Variants in PRKCB observed in about 807,000 individuals in gnomAD.
PRKCB encodes the protein protein kinase C beta.
A neutral mutation model predicts 81.5 loss-of-function variants in PRKCB; 13 were observed. That is an observed-to-expected ratio of 0.16 (90% CI 0.10 to 0.25). PRKCB has a LOEUF of 0.25. Among genes scored for constraint, PRKCB ranks in the 10% least tolerant of loss-of-function variants. The pLI is 1.00. For synonymous variants in PRKCB, 335 were observed against 321.4 expected (o/e 1.04, Z -0.45); for missense variants, 509 against 875.7 (o/e 0.58, Z 5.29).
At chr16:24,041,103 G>A (rs910420397) in intron 5 of PRKCB, among the ~76,000 whole-genome samples, 11 of 150,998 alleles carry the variant, frequency 7.3e-5, no homozygotes, top group Non-Finnish European at 1.5e-4. Flanking sequence ...AGGCTGGAGT[G>A]CAGTGGTGCA....
chr16:24,167,528 C>A (rs145045590), intron 10 of PRKCB, among the ~76,000 whole-genome samples: 4 of 151,966 alleles, frequency 2.6e-5, no homozygotes, highest in Non-Finnish European at 5.9e-5. Context: ...CCATTGTACT[C>A]CAGACTGGGC....
chr16:23,837,567 T>A (rs1213734739), intron 2 of PRKCB, among the ~76,000 whole-genome samples, 161 bp downstream of exon 2: 1 of 151,558 alleles, frequency 6.6e-6, no homozygotes, highest in Admixed American at 6.6e-5. Flanking sequence ...TTTCAAGGGG[T>A]GTGTGTGTGA....
chr16:23,924,347 C>A (rs1201972159), intron 2 of PRKCB, among the ~76,000 whole-genome samples: 2 of 152,012 alleles, frequency 1.3e-5, no homozygotes, highest in African/African-American at 4.8e-5. Flanking sequence ...AGAAATTACC[C>A]AGTCTCGGGT....
intron 9 of PRKCB, among the ~76,000 whole-genome samples, chr16:24,144,040 C>T (rs550953927): frequency 6.6e-5 from 10 of 152,096 alleles, no homozygotes; most frequent in East Asian, 1.9e-4. Context: ...CCTCAAAAAA[C>T]GATTTTCATT....
At chr16:23,894,270 A>G (rs1204751395) in intron 2 of PRKCB, among the ~76,000 whole-genome samples, 1 of 152,208 alleles carries the variant, frequency 6.6e-6, no homozygotes, top group Non-Finnish European at 1.5e-5. Context: ...GCCCGGAGAC[A>G]GTTTGAGAAG....
intron 3 of PRKCB, among the ~76,000 whole-genome samples, chr16:23,993,963 T>G (rs1457002387): frequency 6.6e-6 from 1 of 152,154 alleles, no homozygotes; most frequent in Non-Finnish European, 1.5e-5. Context: ...AGCCCCTCAG[T>G]CCATTCCCAG....
At chr16:23,927,626 C>T (rs1282380413) in intron 2 of PRKCB, among the ~76,000 whole-genome samples, 5 of 151,824 alleles carry the variant, frequency 3.3e-5, no homozygotes, top group Non-Finnish European at 7.4e-5. Context: ...GACTTGAGGA[C>T]GCCTGAGTGG....
chr16:24,194,005 T>C (rs1967838301), intron 16 of PRKCB, among the ~76,000 whole-genome samples: 1 of 152,018 alleles, frequency 6.6e-6, no homozygotes, highest in Non-Finnish European at 1.5e-5. Flanking sequence ...AGTGAAAGGG[T>C]GTATAAAGTT....
Position 24,219,814 on chromosome 16 carries a change from C to T in PRKCB, c.*4998C>T, listed in dbSNP as rs1402115039. Reference sequence around the variant, plus strand: ...ATACAATGTGAAATGAAAGCCAGTGCGTGGAGTGCAGCTGCTAAAAATTTT... The same window carrying T: ...ATACAATGTGAAATGAAAGCCAGTGTGTGGAGTGCAGCTGCTAAAAATTTT... On this transcript the variant is annotated 3_prime_UTR_variant, in exon 17 of 17. Transcript: ENST00000643927. 6.3e-6 allele frequency: 9 copies of T among 1,424,806 alleles called. No individual in the cohort carries two copies. The highest frequency in any genetic ancestry group is 8.3e-6 in the Non-Finnish European group (9 of 1,089,892). The allele number at this position is 1,424,806 out of a possible 1,614,324, so 88.3% of individuals were successfully genotyped here. A position where few individuals can be genotyped will look rare whatever the true frequency, so the allele number is the denominator to read the frequency against.
intron 8 of PRKCB, among the ~76,000 whole-genome samples, chr16:24,122,468 T>TTTTTTTTTTTTTTTC (rs1555498212): frequency 7.2e-6 from 1 of 138,990 alleles, no homozygotes; most frequent in African/African-American, 3.3e-5. Flanking sequence ...TTTTTTTTTT[T>TTTTTTTTTTTTTTTC]AGTGAGAGAG....
chr16:23,847,402 A>T (rs993466377), intron 2 of PRKCB, among the ~76,000 whole-genome samples: 1 of 151,266 alleles, frequency 6.6e-6, no homozygotes, highest in African/African-American at 2.4e-5. Flanking sequence ...CTATCCATCC[A>T]TCCACCTATC....
intron 2 of PRKCB, among the ~76,000 whole-genome samples, chr16:23,943,215 G>A (rs138771105): frequency 0.013 from 2,007 of 152,280 alleles, 25 homozygotes; most frequent in South Asian, 0.056. Context: ...TCTACCTTAG[G>A]GTGGTGTTGT....
chr16:23,836,422 CCTCTGCG>C, intron 1 of PRKCB, 74 bp downstream of exon 1: 2 of 1,396,804 alleles, frequency 1.4e-6, no homozygotes, highest in East Asian at 2.8e-5. Context: ...CTCTCCGCGC[CCTCTGCG>C]CCCTCCGCGC....
In PRKCB at chr16:23,998,220, G is replaced by A. The variant is rs530347874; in HGVS notation, c.288+9630G>A. 7.9e-5 allele frequency among the ~76,000 whole-genome samples: 12 copies of A among 152,264 alleles called. No homozygotes were observed. In the South Asian group the frequency reaches 2.3e-3, roughly 29 times the overall value. ...ACGTGGACCAGGACCTACTCCATTG[G>A]CACCTATGGTTCTCAGGTCTTTGGG... On this transcript the variant is annotated intron_variant, in intron 3 of 16. Transcript: ENST00000643927.
intron 7 of PRKCB, among the ~76,000 whole-genome samples, chr16:24,102,832 A>G (rs1227961440): frequency 6.6e-6 from 1 of 152,120 alleles, no homozygotes; most frequent in African/African-American, 2.4e-5. Context: ...TCAGTTGAAC[A>G]TTTTACTAAT....
intron 5 of PRKCB, among the ~76,000 whole-genome samples, chr16:24,080,332 A>T (rs1253455802): frequency 6.6e-6 from 1 of 152,216 alleles, no homozygotes; most frequent in East Asian, 1.9e-4. Context: ...GATGGCAGTG[A>T]TATGAATAGT....
intron 5 of PRKCB, among the ~76,000 whole-genome samples, chr16:24,079,916 G>A (rs1005137117): frequency 2.0e-5 from 3 of 152,126 alleles, no homozygotes; most frequent in Admixed American, 6.5e-5. Flanking sequence ...ATTTTTCCAA[G>A]TGTTAAAAGG....
intron 2 of PRKCB, among the ~76,000 whole-genome samples, chr16:23,838,981 GA>G (rs1228818454): frequency 6.6e-6 from 1 of 152,218 alleles, no homozygotes; most frequent in Non-Finnish European, 1.5e-5. Flanking sequence ...CTTGGCACCG[GA>G]ATGTGTAATT....
At chr16:24,166,177 C>T (rs1008192618) in intron 10 of PRKCB, among the ~76,000 whole-genome samples, 6 of 151,992 alleles carry the variant, frequency 3.9e-5, no homozygotes, top group African/African-American at 9.7e-5. Flanking sequence ...CCACTGCACC[C>T]GGTCCAGATA....
Sources: allele counts gnomAD v4.1 joint callset (sites outside exome capture counted in the v4.1 genomes callset), GRCh38; gene constraint gnomAD v4.1.1; transcripts MANE v1.5; gene names NCBI Gene and HGNC (gene_info 2026-07-23, HGNC 2026-07-21).